The following RORB variants were observed in gnomAD, a reference collection of about 807,000 sequenced individuals.
RORB encodes nuclear receptor ROR-beta.
RORB carries 6 observed loss-of-function variants against 59.1 expected under a neutral mutation model. The observed-to-expected ratio is 0.10, with a 90% confidence interval of 0.06 to 0.20. The LOEUF (loss-of-function observed/expected upper bound fraction) is 0.20, where lower values mean the gene tolerates loss of function less well. Among genes scored for constraint, RORB ranks in the 10% least tolerant of loss-of-function variants. The pLI, the probability that RORB is intolerant of heterozygous loss-of-function variation, is 1.00. For missense variants in RORB, 320 were observed against 560.5 expected (o/e 0.57, Z 4.33); for synonymous variants, 215 against 204.5 (o/e 1.05, Z -0.44).
At chr9:74,628,120 A>G (rs1353431287) in intron 1 of RORB, among the ~76,000 whole-genome samples, 1 of 152,200 alleles carries the variant, frequency 6.6e-6, no homozygotes. Flanking sequence ...CCAATCATTA[A>G]CAGACTAAGG....
intron 1 of RORB, among the ~76,000 whole-genome samples, chr9:74,593,598 T>A (rs1237830694): frequency 6.6e-6 from 1 of 152,240 alleles, no homozygotes; most frequent in Non-Finnish European, 1.5e-5. Context: ...AGTCTATTTT[T>A]ATTTTTCCAT....
At chr9:74,560,180 A>G (rs1294197697) in intron 1 of RORB, among the ~76,000 whole-genome samples, 1 of 152,164 alleles carries the variant, frequency 6.6e-6, no homozygotes, top group Non-Finnish European at 1.5e-5. Context: ...GTTTAGGAGT[A>G]AGAATCCATC....
At chr9:74,673,042 G>A (rs892804680) in intron 9 of RORB, among the ~76,000 whole-genome samples, 1 of 152,008 alleles carries the variant, frequency 6.6e-6, no homozygotes, top group African/African-American at 2.4e-5. Context: ...TAAAATTAAC[G>A]CATCACTAGC....
chr9:74,587,579 G>A (rs1408811228), intron 1 of RORB, among the ~76,000 whole-genome samples: 1 of 152,132 alleles, frequency 6.6e-6, no homozygotes, highest in African/African-American at 2.4e-5. Context: ...TGATCTCTGA[G>A]GTCAGCTGAG....
intron 1 of RORB, among the ~76,000 whole-genome samples, chr9:74,591,425 A>C (rs1000283636): frequency 6.6e-6 from 1 of 152,180 alleles, no homozygotes; most frequent in Non-Finnish European, 1.5e-5. Flanking sequence ...CTTTAAAAAC[A>C]TTTTAGGAGA....
chr9:74,531,248 C>T (rs369245173), intron 1 of RORB, among the ~76,000 whole-genome samples: 1 of 151,914 alleles, frequency 6.6e-6, no homozygotes, highest in African/African-American at 2.4e-5. Flanking sequence ...TGTATCAAAG[C>T]GACAATGATT....
intron 1 of RORB, among the ~76,000 whole-genome samples, chr9:74,603,272 G>C (rs937561800): frequency 6.6e-6 from 1 of 152,174 alleles, no homozygotes; most frequent in Non-Finnish European, 1.5e-5. Flanking sequence ...TCTCTTTGGT[G>C]CAATGGCAGT....
At chr9:74,649,734 C>T (rs1052419679) in intron 4 of RORB, among the ~76,000 whole-genome samples, 1 of 152,188 alleles carries the variant, frequency 6.6e-6, no homozygotes, top group Non-Finnish European at 1.5e-5. Context: ...ACAAACAACA[C>T]ACACATATAT....
intron 1 of RORB, among the ~76,000 whole-genome samples, chr9:74,603,401 T>C (rs1230550038): frequency 1.3e-5 from 2 of 152,154 alleles, no homozygotes; most frequent in African/African-American, 4.8e-5. Context: ...ATGGGGAAAG[T>C]TGGACACAGA....
intron 4 of RORB, among the ~76,000 whole-genome samples, chr9:74,656,634 G>C (rs1824086874): frequency 6.6e-6 from 1 of 152,168 alleles, no homozygotes; most frequent in African/African-American, 2.4e-5. Flanking sequence ...TAGTTGGGAG[G>C]CTGAGGCAGG....
chr9:74,630,410 C>T, intron 2 of RORB, 43 bp downstream of exon 2: 1 of 1,444,512 alleles, frequency 6.9e-7, no homozygotes, highest in Non-Finnish European at 9.5e-7. Flanking sequence ...TTGCCTCAGG[C>T]ATCTGTGTAC....
chr9:74,598,033 T>C (rs948563458), intron 1 of RORB, among the ~76,000 whole-genome samples: 2 of 152,206 alleles, frequency 1.3e-5, no homozygotes, highest in Non-Finnish European at 2.9e-5. Flanking sequence ...TAAAATATAT[T>C]AATGAAATTA....
At chr9:74,511,620 A>G (rs1358936917) in intron 1 of RORB, among the ~76,000 whole-genome samples, 1 of 151,230 alleles carries the variant, frequency 6.6e-6, no homozygotes, top group Non-Finnish European at 1.5e-5. Context: ...GAAAAGAAAA[A>G]AAAAAGTGTC....
At chr9:74,552,908 A>G (rs1157753823) in intron 1 of RORB, among the ~76,000 whole-genome samples, 4 of 152,172 alleles carry the variant, frequency 2.6e-5, no homozygotes, top group Admixed American at 2.6e-4. Flanking sequence ...GAAGATCTGA[A>G]TCAAAGCGGG....
chr9:74,573,031 C>A (rs1051540302), intron 1 of RORB, among the ~76,000 whole-genome samples: 1 of 152,238 alleles, frequency 6.6e-6, no homozygotes, highest in African/African-American at 2.4e-5. Context: ...TTTGGTAATT[C>A]GGTCAGGTGC....
At chr9:74,538,263 T>C (rs1431027868) in intron 1 of RORB, among the ~76,000 whole-genome samples, 2 of 152,082 alleles carry the variant, frequency 1.3e-5, no homozygotes, top group Non-Finnish European at 2.9e-5. Flanking sequence ...TCACCTAACA[T>C]GCATGTCTCT....
intron 1 of RORB, among the ~76,000 whole-genome samples, chr9:74,568,979 AAACAT>A (rs1287688206): frequency 3.9e-5 from 6 of 152,208 alleles, no homozygotes; most frequent in African/African-American, 1.4e-4. Context: ...TCTTCTAAGA[AAACAT>A]AATATGTTTA....
chr9:74,520,349 G>A (rs1425337710), intron 1 of RORB, among the ~76,000 whole-genome samples: 4 of 151,824 alleles, frequency 2.6e-5, no homozygotes, highest in Non-Finnish European at 5.9e-5. Flanking sequence ...GTAGTAAAAG[G>A]CAGACTGACT....
At chr9:74,580,547 A>C (rs966774787) in intron 1 of RORB, among the ~76,000 whole-genome samples, 9 of 152,180 alleles carry the variant, frequency 5.9e-5, no homozygotes, top group South Asian at 2.1e-4. Flanking sequence ...GATTAGAGAG[A>C]CTACCACTTC....
Sources: gnomAD v4.1 joint callset for allele counts (sites outside exome capture counted in the v4.1 genomes callset) on GRCh38, gnomAD v4.1.1 for gene constraint, MANE v1.5 for transcripts, NCBI Gene and HGNC (gene_info 2026-07-23, HGNC 2026-07-21) for gene names.